The following GLT8D2 variants were observed in gnomAD, a reference collection of about 807,000 sequenced individuals.
GLT8D2 encodes the protein glycosyltransferase 8 domain-containing protein 2.
Under a neutral mutation model 44.5 loss-of-function variants are expected in GLT8D2, and 45 were observed. The ratio of observed to expected loss-of-function variants is 1.01; its 90% CI spans 0.80 to 1.30. The LOEUF is 1.30. Ranked by LOEUF, GLT8D2 falls within the 50% of genes most tolerant of loss-of-function variation. GLT8D2 has a pLI of 0.00. For synonymous variants in GLT8D2, 156 were observed against 157.2 expected (o/e 0.99, Z 0.06); for missense variants, 400 against 430.4 (o/e 0.93, Z 0.62).
intron 5 of GLT8D2, among the ~76,000 whole-genome samples, chr12:104,000,924 TA>T (rs1874128861): frequency 6.6e-6 from 1 of 152,226 alleles, no homozygotes; most frequent in South Asian, 2.1e-4. Flanking sequence ...CATTTAATTA[TA>T]AAAGCAGTAT....
chr12:103,992,807 A>G (rs1872927337), intron 10 of GLT8D2, among the ~76,000 whole-genome samples: 2 of 152,114 alleles, frequency 1.3e-5, no homozygotes. Flanking sequence ...TTCTCTTTAT[A>G]ATAGTTCATG....
chr12:104,032,879 A>ATTT (rs35467561), intron 1 of GLT8D2, among the ~76,000 whole-genome samples: 1,479 of 143,050 alleles, frequency 0.01, 17 homozygotes, highest in African/African-American at 0.031. Context: ...TTGCAGCACT[A>ATTT]TTTTTTTTTT....
Position 104,012,190 on chromosome 12 carries a change from ATATATAT to A in GLT8D2, c.112+2816_112+2822del, listed in dbSNP as rs1266954327. On this transcript the variant is annotated intron_variant, in intron 4 of 10. Transcript: ENST00000360814. The stretch of plus-strand genomic sequence containing the variant: ...TGTCTCAAAAAAAAAAAAAAAAAAA[ATATATAT>A]ATATATATATATATACCTTAAACAC... Among the ~76,000 whole-genome samples the A allele has an allele frequency of 8.7e-5, 8 of 92,158 alleles. No homozygotes were observed. The East Asian group carries it at 8.9e-4, about 10-fold the overall frequency. 60.5% of individuals were successfully genotyped at this position (92,158 alleles called of 152,430 possible). A position where few individuals can be genotyped will look rare whatever the true frequency, so the allele number is the denominator to read the frequency against.
intron 10 of GLT8D2, among the ~76,000 whole-genome samples, chr12:103,991,875 G>A (rs965701225): frequency 6.8e-6 from 1 of 146,772 alleles, no homozygotes; most frequent in Non-Finnish European, 1.5e-5. Flanking sequence ...TTGCAGGGTT[G>A]TTGTGAGAAT....
At chr12:103,992,691 C>T (rs1872909018) in intron 10 of GLT8D2, among the ~76,000 whole-genome samples, 2 of 152,008 alleles carry the variant, frequency 1.3e-5, no homozygotes. Context: ...CGGGTTTCAC[C>T]ACGTTGGTCA....
upstream of GLT8D2, among the ~76,000 whole-genome samples, chr12:104,052,943 T>C (rs2723845): frequency 0.18 from 27,336 of 152,016 alleles, 2,685 homozygotes; most frequent in Middle Eastern, 0.24. Flanking sequence ...TAGCTAAATG[T>C]TTTTAGCTAA....
upstream of GLT8D2, among the ~76,000 whole-genome samples, chr12:104,051,121 C>CTTT (rs34909090): frequency 6.9e-6 from 1 of 145,568 alleles, no homozygotes; most frequent in African/African-American, 2.5e-5. Flanking sequence ...GCCAATTTTA[C>CTTT]TTTTTTTTTT....
Position 103,994,370 on chromosome 12 carries a change from G to A in GLT8D2, c.732C>T (p.Thr244=), listed in dbSNP as rs1385813806. 1 of 1,613,336 alleles carries A rather than the reference G, an allele frequency of 6.2e-7. No individual in the cohort carries two copies. Among genetic ancestry groups the A allele is most frequent in the Non-Finnish European group, 8.5e-7 (1 of 1,179,618 alleles). Residue 244 remains threonine, a synonymous_variant, in exon 9 of 11, where the codon ACC becomes ACT. Coordinates refer to ENST00000360814, the MANE Select transcript of GLT8D2 (RefSeq NM_001384711.1). Reference sequence around the variant, plus strand: ...TTTGCATCCATTTCTCCAATTGCTTGGTGATGCGCTGGTGCTTCCATTCTG... The same window carrying A: ...TTTGCATCCATTTCTCCAATTGCTTAGTGATGCGCTGGTGCTTCCATTCTG... ...NMTEWKHQRI[T]KQLEKWMQKN...
intron 1 of GLT8D2, among the ~76,000 whole-genome samples, chr12:104,055,719 A>G (rs952073530): frequency 1.3e-5 from 2 of 152,246 alleles, no homozygotes; most frequent in African/African-American, 4.8e-5. Flanking sequence ...TACTGAGTAT[A>G]TAACTTTTAG....
intron 1 of GLT8D2, among the ~76,000 whole-genome samples, chr12:104,032,223 T>C (rs1879344423): frequency 6.6e-6 from 1 of 151,036 alleles, no homozygotes; most frequent in Non-Finnish European, 1.5e-5. Flanking sequence ...CTCATACCAA[T>C]ATAGGATCAG....
Position 104,022,080 on chromosome 12 carries a change from A to AG in GLT8D2, c.-163-590_-163-589insC, listed in dbSNP as rs1555279636. On this transcript the variant is annotated intron_variant, in intron 1 of 10. Coordinates refer to ENST00000360814, the MANE Select transcript of GLT8D2 (RefSeq NM_001384711.1). The stretch of plus-strand genomic sequence containing the variant: ...AGGGAAAGAAAGAAAGAAAGAAAAA[A>AG]AAAGAAAGAAAGAAAGAAGAAAAGA... Among the ~76,000 whole-genome samples, 616 of 134,206 alleles carry AG rather than the reference A, an allele frequency of 4.6e-3. 35 individuals are homozygous for AG. The highest frequency in any genetic ancestry group is 0.024 in the East Asian group (71 of 2,940). 88.0% of individuals were successfully genotyped at this position (134,206 alleles called of 152,430 possible).
At position 104,026,860 on chromosome 12, in the gene GLT8D2, T is replaced by C. The variant is rs149716770; in HGVS notation, c.-163-5369A>G. Among the ~76,000 whole-genome samples the C allele has an allele frequency of 6.6e-5, 10 of 152,340 alleles. No individual in the cohort carries two copies. The East Asian group carries it at 1.9e-3, about 29-fold the overall frequency. On this transcript the variant is annotated intron_variant, in intron 1 of 10. Coordinates refer to ENST00000360814, the MANE Select transcript of GLT8D2 (RefSeq NM_001384711.1). The stretch of plus-strand genomic sequence containing the variant: ...AAATTAAGTTGATCCTTCTTAACTA[T>C]GGTCTTTAAAAGGAACTTCTGAACT...
At chr12:104,033,651 C>T (rs1184501354) in intron 1 of GLT8D2, among the ~76,000 whole-genome samples, 1 of 151,612 alleles carries the variant, frequency 6.6e-6, no homozygotes, top group East Asian at 1.9e-4. Context: ...CTTAAGAGTT[C>T]TCACTGCACA....
chr12:103,991,940 A>G (rs1378599548), intron 10 of GLT8D2, among the ~76,000 whole-genome samples: 2 of 152,148 alleles, frequency 1.3e-5, no homozygotes, highest in African/African-American at 4.8e-5. Flanking sequence ...TGGCAATGTA[A>G]TGGACACTTG....
At chr12:104,053,841 G>C (rs1304096848), upstream of GLT8D2, among the ~76,000 whole-genome samples, 1 of 150,680 alleles carries the variant, frequency 6.6e-6, no homozygotes, top group South Asian at 2.1e-4. Context: ...CTGAGATTGC[G>C]CCACTGCACT....
At chr12:103,997,645 T>C (rs1285456652) in intron 6 of GLT8D2, 110 bp from the exon 7 acceptor site, 2 of 745,504 alleles carry the variant, frequency 2.7e-6, no homozygotes, top group African/African-American at 3.5e-5. Flanking sequence ...GCTCCAGGTT[T>C]GGAGCGGAAT....
chr12:104,045,954 AAAAT>A (rs142955998), intron 1 of GLT8D2, among the ~76,000 whole-genome samples: 61 of 139,738 alleles, frequency 4.4e-4, no homozygotes, highest in East Asian at 2.0e-3. Flanking sequence ...AGAAAGAAAG[AAAAT>A]AAGAAAGAAA....
At chr12:104,055,047 G>A (rs571132715), upstream of GLT8D2, among the ~76,000 whole-genome samples, 5 of 152,352 alleles carry the variant, frequency 3.3e-5, no homozygotes, top group East Asian at 9.6e-4. Context: ...CAATAGCAGG[G>A]AGTTATTACC....
intron 4 of GLT8D2, among the ~76,000 whole-genome samples, chr12:104,006,367 A>G (rs1249130525): frequency 6.6e-6 from 1 of 152,196 alleles, no homozygotes; most frequent in Non-Finnish European, 1.5e-5. Flanking sequence ...CCTAAAACTT[A>G]AAGTATAATA....
Sources: gnomAD v4.1 joint callset for allele counts (sites outside exome capture counted in the v4.1 genomes callset) on GRCh38, gnomAD v4.1.1 for gene constraint, MANE v1.5 for transcripts, NCBI Gene and HGNC (gene_info 2026-07-23, HGNC 2026-07-21) for gene names.